The following CDH18 variants were observed in gnomAD, a reference collection of about 807,000 sequenced individuals.
CDH18 encodes cadherin-18.
In CDH18, 31 loss-of-function variants were observed where a neutral mutation model predicts 67.9. The observed-to-expected ratio is 0.46, with a 90% CI of 0.34 to 0.62. The LOEUF (loss-of-function observed/expected upper bound fraction) is 0.62. Among genes scored for constraint, CDH18 ranks in the 20% least tolerant of loss-of-function variants. The pLI is 0.01. For synonymous variants in CDH18, 362 were observed against 347.2 expected (o/e 1.04, Z -0.48); for missense variants, 890 against 975.5 (o/e 0.91, Z 1.17).
intron 1 of CDH18, among the ~76,000 whole-genome samples, chr5:20,298,835 G>A (rs1415673584): frequency 6.6e-6 from 1 of 152,080 alleles, no homozygotes; most frequent in African/African-American, 2.4e-5. Context: ...AAGGTGAAAC[G>A]TTAGTTATGC....
chr5:20,537,885 T>C (rs772933411), intron 1 of CDH18, among the ~76,000 whole-genome samples: 2 of 152,228 alleles, frequency 1.3e-5, no homozygotes, highest in Non-Finnish European at 2.9e-5. Context: ...GGAAGTTGTG[T>C]GGGCTTCATA....
Position 19,472,285 on chromosome 5 carries a change from G to C in CDH18, c.*941C>G, listed in dbSNP as rs1185971801. Among the ~76,000 whole-genome samples, 1 of 151,802 alleles carries C rather than the reference G, an allele frequency of 6.6e-6. No individual in the cohort carries two copies. Among genetic ancestry groups the C allele is most frequent in the East Asian group, 2.0e-4 (1 of 5,128 alleles). ...GTGAATTAGACTGAAGTACAAACCA[G>C]CCAGCAAAATATTTGACAATTAATT... On this transcript the variant is annotated 3_prime_UTR_variant, in exon 13 of 13. Transcript: ENST00000382275.
intron 2 of CDH18, among the ~76,000 whole-genome samples, chr5:19,891,706 C>T (rs750571247): frequency 6.6e-6 from 1 of 152,072 alleles, no homozygotes; most frequent in Admixed American, 6.6e-5. Flanking sequence ...TCTCCCCAGG[C>T]TGAGATACTC....
intron 6 of CDH18, among the ~76,000 whole-genome samples, chr5:19,604,489 T>C (rs746952177): frequency 2.6e-5 from 4 of 151,636 alleles, no homozygotes; most frequent in African/African-American, 7.3e-5. Context: ...TAAATGTTTA[T>C]GCAAATACAG....
chr5:19,739,134 T>C (rs989589400), intron 4 of CDH18, among the ~76,000 whole-genome samples: 2 of 152,202 alleles, frequency 1.3e-5, no homozygotes, highest in Non-Finnish European at 2.9e-5. Flanking sequence ...CCAATATTTC[T>C]AAGAAATCTT....
At chr5:20,359,356 G>T (rs186772180) in intron 1 of CDH18, among the ~76,000 whole-genome samples, 3 of 152,028 alleles carry the variant, frequency 2.0e-5, no homozygotes, top group Non-Finnish European at 4.4e-5. Context: ...AGCAATCCTC[G>T]TAAAACAATC....
intron 1 of CDH18, among the ~76,000 whole-genome samples, chr5:20,544,047 C>T (rs1186428464): frequency 6.6e-6 from 1 of 152,118 alleles, no homozygotes. Flanking sequence ...TCCATTAATA[C>T]TTGATTCTGA....
At chr5:20,297,121 G>C (rs1747599201) in intron 1 of CDH18, among the ~76,000 whole-genome samples, 1 of 151,824 alleles carries the variant, frequency 6.6e-6, no homozygotes, top group Admixed American at 6.6e-5. Flanking sequence ...ATATAAAACA[G>C]GCCAAGGTAA....
At chr5:19,581,676 G>T (rs1189989272) in intron 7 of CDH18, among the ~76,000 whole-genome samples, 1 of 151,766 alleles carries the variant, frequency 6.6e-6, no homozygotes, top group African/African-American at 2.4e-5. Flanking sequence ...GGGTAGATAG[G>T]GTCGATATCA....
intron 4 of CDH18, among the ~76,000 whole-genome samples, chr5:19,742,343 T>C (rs1769322385): frequency 1.3e-5 from 2 of 152,094 alleles, no homozygotes; most frequent in Admixed American, 6.6e-5. Context: ...CAAAGCTATA[T>C]AGAAAATCTA....
intron 1 of CDH18, among the ~76,000 whole-genome samples, chr5:20,404,893 C>T (rs1022272206): frequency 2.0e-5 from 3 of 152,082 alleles, no homozygotes; most frequent in Non-Finnish European, 4.4e-5. Context: ...TATGACTGCA[C>T]CCACTGGCAC....
intron 5 of CDH18, among the ~76,000 whole-genome samples, chr5:19,624,942 A>G (rs986758368): frequency 6.6e-6 from 1 of 152,028 alleles, no homozygotes; most frequent in African/African-American, 2.4e-5. Context: ...CATTCCTTCA[A>G]TTGGTAGCTA....
At chr5:20,485,715 T>C (rs1015767131) in intron 1 of CDH18, among the ~76,000 whole-genome samples, 22 of 152,138 alleles carry the variant, frequency 1.4e-4, no homozygotes, top group African/African-American at 5.3e-4. Flanking sequence ...AAAAAAGTGT[T>C]TTGCTTCCTC....
intron 5 of CDH18, among the ~76,000 whole-genome samples, chr5:19,708,015 G>A (rs1764186788): frequency 6.6e-6 from 1 of 152,150 alleles, no homozygotes; most frequent in Non-Finnish European, 1.5e-5. Context: ...CTATTATCTG[G>A]AAACATGGCG....
chr5:20,007,044 T>C (rs547718234), intron 2 of CDH18, among the ~76,000 whole-genome samples: 165 of 152,014 alleles, frequency 1.1e-3, no homozygotes, highest in African/African-American at 3.7e-3. Context: ...CATTTCAAAA[T>C]TGATTCACTG....
At chr5:19,581,825 G>GA (rs35133914) in intron 7 of CDH18, among the ~76,000 whole-genome samples, 18,479 of 151,960 alleles carry the variant, frequency 0.12, 1,610 homozygotes, top group African/African-American at 0.25. Flanking sequence ...CAAAACACAG[G>GA]AAAATTGTAT....
At chr5:20,140,637 T>C (rs1750173128) in intron 2 of CDH18, among the ~76,000 whole-genome samples, 1 of 152,116 alleles carries the variant, frequency 6.6e-6, no homozygotes, top group Admixed American at 6.6e-5. Flanking sequence ...TCTCCAGATG[T>C]GTCAGACTCT....
chr5:19,531,824 A>G (rs1431244309), intron 9 of CDH18, among the ~76,000 whole-genome samples: 2 of 152,178 alleles, frequency 1.3e-5, no homozygotes, highest in African/African-American at 4.8e-5. Flanking sequence ...ATGACTCATA[A>G]GCTTGACTCA....
chr5:20,361,034 A>G (rs1256002940), intron 1 of CDH18, among the ~76,000 whole-genome samples: 3 of 152,084 alleles, frequency 2.0e-5, no homozygotes, highest in Non-Finnish European at 2.9e-5. Context: ...ACATATAAAT[A>G]GAATATGTAT....
Sources: gnomAD v4.1 joint callset for allele counts (sites outside exome capture counted in the v4.1 genomes callset) on GRCh38, gnomAD v4.1.1 for gene constraint, MANE v1.5 for transcripts, NCBI Gene and HGNC (gene_info 2026-07-23, HGNC 2026-07-21) for gene names.